Variants in MYO18A observed in about 807,000 individuals in gnomAD.
MYO18A encodes myosin XVIIIA.
A neutral mutation model predicts 235.8 loss-of-function variants in MYO18A; 78 were observed. The observed-to-expected ratio is 0.33, with a 90% CI of 0.28 to 0.40. MYO18A has a LOEUF of 0.40. MYO18A is among the 10% of genes least tolerant of loss of function. MYO18A has a pLI of 1.00. For missense variants in MYO18A, 2,215 were observed against 2,699.3 expected (o/e 0.82, Z 3.98); for synonymous variants, 977 against 1,077.8 (o/e 0.91, Z 1.83).
At chr17:29,154,126 G>A (rs1322841969) in intron 2 of MYO18A, among the ~76,000 whole-genome samples, 6 of 150,682 alleles carry the variant, frequency 4.0e-5, no homozygotes, top group African/African-American at 5.0e-5. Flanking sequence ...GTGTGTGCGC[G>A]CGCGTGCGTG....
At chr17:29,168,024 A>G (rs888237166) in intron 1 of MYO18A, among the ~76,000 whole-genome samples, 2 of 152,218 alleles carry the variant, frequency 1.3e-5, no homozygotes, top group African/African-American at 4.8e-5. Context: ...CAGAAAATTA[A>G]GTATATGTTA....
chr17:29,157,010 C>A (rs191288634), intron 2 of MYO18A, among the ~76,000 whole-genome samples: 1 of 152,214 alleles, frequency 6.6e-6, no homozygotes, highest in Non-Finnish European at 1.5e-5. Context: ...CTGAGCAACA[C>A]GGCGAGCCCA....
Position 29,098,134 on chromosome 17 carries a change from G to A in MYO18A, c.3961C>T (p.Arg1321Trp), listed in dbSNP as rs1352157423. 1.1e-5 allele frequency: 17 copies of A among 1,613,584 alleles called. No individual in the cohort carries two copies. Among genetic ancestry groups the A allele is most frequent in the Non-Finnish European group, 1.3e-5 (15 of 1,179,878 alleles). Residue 1321 changes from arginine (R) to tryptophan (W), a missense_variant, in exon 25 of 42, where the codon CGG (arginine) becomes TGG (tryptophan). By Grantham distance (101) the Arg-to-Trp change is moderately radical. Coordinates refer to ENST00000527372, the MANE Select transcript of MYO18A (RefSeq NM_078471.4). ...LLDAETAERLRAEKEMKELQT... is the reference protein window; with the variant it reads ...LLDAETAERLWAEKEMKELQT... The stretch of plus-strand genomic sequence containing the variant: ...AGTTCCTTCATCTCCTTCTCAGCCC[G>A]GAGCCTCTCTGCTGTCTCCGCGTCC...
chr17:29,085,931 C>G (rs1310586455), intron 39 of MYO18A, among the ~76,000 whole-genome samples: 1 of 152,356 alleles, frequency 6.6e-6, no homozygotes, highest in South Asian at 2.1e-4. Flanking sequence ...GGGGGCAGAT[C>G]TAGGGTCCAC....
In MYO18A at chr17:29,094,102, T is replaced by C. The variant is rs773920874; in HGVS notation, c.4711-12A>G. On this transcript the variant is annotated splice_polypyrimidine_tract_variant and intron_variant, in intron 30 of 41. Coordinates refer to ENST00000527372, the MANE Select transcript of MYO18A (RefSeq NM_078471.4). ...AGACGCAGCTTGGCCTGGAGGTGGT[T>C]GGAGTAGGGTCTGGGTTCCCTCCCC... is the stretch of plus-strand genomic sequence containing the variant. The C allele has an allele frequency of 3.1e-6, 5 of 1,588,750 alleles. No individual in the cohort carries two copies. Among genetic ancestry groups the C allele is most frequent in the African/African-American group, 2.7e-5 (2 of 74,284 alleles).
In MYO18A at chr17:29,136,283, T is replaced by C. The variant is rs577430072; in HGVS notation, c.1000-14030A>G. ...TATATATATATATATATGTAATGTA[T>C]CCCATAAGTACATAAACCTACCATG... is the stretch of plus-strand genomic sequence containing the variant. On this transcript the variant is annotated intron_variant, in intron 2 of 41. Coordinates refer to ENST00000527372, the MANE Select transcript of MYO18A (RefSeq NM_078471.4). Among the ~76,000 whole-genome samples, 5 of 134,742 alleles carry C rather than the reference T, an allele frequency of 3.7e-5. No individual in the cohort carries two copies. The East Asian group carries it at 1.0e-3, about 28-fold the overall frequency. 88.4% of individuals were successfully genotyped at this position (134,742 alleles called of 152,430 possible).
rs748477876 is a variant in MYO18A, at chr17:29,097,369, C to T, written c.4103-19G>A. ...TCGCCACCTGTGGGGTTGAGGCAGA[C>T]AAGGGAGGATGGAGGTGCTGAGAGT... On this transcript the variant is annotated intron_variant, in intron 26 of 41. Transcript: ENST00000527372. The T allele has an allele frequency of 6.2e-7, 1 of 1,605,422 alleles. No individual in the cohort carries two copies. The highest frequency in any genetic ancestry group is 8.5e-7 in the Non-Finnish European group (1 of 1,179,574).
chr17:29,161,197 A>G (rs1447153061), intron 2 of MYO18A, among the ~76,000 whole-genome samples: 1 of 152,134 alleles, frequency 6.6e-6, no homozygotes, highest in East Asian at 1.9e-4. Context: ...TGTACTAAAA[A>G]TATAAAAATT....
At chr17:29,119,545 G>C in intron 7 of MYO18A, 110 bp from the exon 8 acceptor site, 1 of 613,490 alleles carries the variant, frequency 1.6e-6, no homozygotes, top group Non-Finnish European at 2.7e-6. Flanking sequence ...TGGGGAACAA[G>C]CAGCTGCATT....
intron 41 of MYO18A, chr17:29,076,355 A>AAGGACCAAACCTGAATTC (rs2065978118): frequency 6.6e-6 from 1 of 151,434 alleles, no homozygotes; most frequent in African/African-American, 2.4e-5. Flanking sequence ...AAAAAAAAAA[A>AAGGACCAAACCTGAATTC]AGGACCAAAC....
Position 29,074,965 on chromosome 17 carries a change from A to G in MYO18A, c.6021-51T>C. 4.4e-6 allele frequency: 7 copies of G among 1,604,946 alleles called. No homozygotes were observed. The highest frequency in any genetic ancestry group is 6.0e-6 in the Non-Finnish European group (7 of 1,173,012). On this transcript the variant is annotated intron_variant, in intron 41 of 41. Transcript: ENST00000527372. This position sits in a 1 kb window ranked among gnomAD's most constrained non-coding sequence, Gnocchi z 4.4. The stretch of plus-strand genomic sequence containing the variant: ...GGGACAAATGACACTCCTACCATTA[A>G]GCACGCACGCCTTTGGTTCTGGAGG...
intron 2 of MYO18A, among the ~76,000 whole-genome samples, chr17:29,143,100 G>T (rs2067776543): frequency 6.6e-6 from 1 of 151,234 alleles, no homozygotes; most frequent in Non-Finnish European, 1.5e-5. Context: ...GAGTCACCAT[G>T]CCCAGCCTCT....
At chr17:29,097,460 T>C in intron 26 of MYO18A, 110 bp from the exon 27 acceptor site, 2 of 1,418,610 alleles carry the variant, frequency 1.4e-6, no homozygotes, top group Non-Finnish European at 1.9e-6. Flanking sequence ...CAGCCAGGGC[T>C]CAGAAAGCTC....
rs961392184 is a variant in MYO18A, at chr17:29,080,443, T to A, written c.6020+1873A>T. 1.3e-5 allele frequency: 13 copies of A among 985,890 alleles called. No homozygotes were observed. The African/African-American group carries it at 2.3e-4, about 17-fold the overall frequency. The allele number at this position is 985,890 out of a possible 1,614,324, so 61.1% of individuals were successfully genotyped here. On this transcript the variant is annotated intron_variant, in intron 41 of 41. Transcript: ENST00000527372. ...CTCGCTCAGGGCCATACTGGCTCCA[T>A]CATCCCACTCCTCTAGGCAGCTCCG...
chr17:29,137,936 GC>G (rs1242696583), intron 2 of MYO18A, among the ~76,000 whole-genome samples: 1 of 151,756 alleles, frequency 6.6e-6, no homozygotes, highest in Non-Finnish European at 1.5e-5. Context: ...CAAAAAAAAA[GC>G]AAAGGAGATA....
intron 2 of MYO18A, among the ~76,000 whole-genome samples, chr17:29,145,301 G>A (rs1469952073): frequency 6.6e-6 from 1 of 152,152 alleles, no homozygotes. Flanking sequence ...GAATAGAGTG[G>A]GGAACAAGGG....
rs1189792199 is a variant in MYO18A at position 29,140,869 on chromosome 17, AATC to A, written c.1000-18619_1000-18617del. On this transcript the variant is annotated intron_variant, in intron 2 of 41. Transcript: ENST00000527372. The surrounding 1 kb of genome is among the most constrained non-coding windows in gnomAD (Gnocchi z 4.2). The stretch of plus-strand genomic sequence containing the variant: ...AACACAGTGTTCTTGAGAACACCCA[AATC>A]ATAGGCCTACCCTAGCCATCTAATT... Among the ~76,000 whole-genome samples the A allele has an allele frequency of 6.6e-6, 1 of 152,172 alleles. No homozygotes were observed. Among genetic ancestry groups the A allele is most frequent in the Non-Finnish European group, 1.5e-5 (1 of 68,022 alleles).
In MYO18A at chr17:29,166,040, C is replaced by G. The variant is rs1484319433; in HGVS notation, c.901G>C (p.Asp301His). Residue 301 changes from aspartate (D) to histidine (H), a missense_variant, in exon 2 of 42, where the codon GAC becomes CAC. By Grantham distance (81) the Asp-to-His change is moderately conservative. Coordinates refer to ENST00000527372, the MANE Select transcript of MYO18A (RefSeq NM_078471.4). ...GGCTGCACCTTGAGCCGCACGCTGT[C>G]CCCTGACTGCCGGATCATCTCCACA... ...EIVEMIRQSG[D>H]SVRLKVQPIP... 6.2e-7 allele frequency: 1 copy of G among 1,613,774 alleles called. No individual in the cohort carries two copies. The highest frequency in any genetic ancestry group is 8.5e-7 in the Non-Finnish European group (1 of 1,179,896).
rs535948349 is a variant in MYO18A at position 29,116,333 on chromosome 17, A to T, written c.2050+111T>A. The T allele has an allele frequency of 3.1e-5, 40 of 1,279,690 alleles. No homozygotes were observed. The African/African-American group carries it at 5.0e-4, about 16-fold the overall frequency. The allele number at this position is 1,279,690 out of a possible 1,614,324, so 79.3% of individuals were successfully genotyped here. On this transcript the variant is annotated intron_variant, in intron 11 of 41. Transcript: ENST00000527372. ...ACCCACTGATGGCCCAACAGTGGGG[A>T]GGCAAAAAAGCCACAGGGGAAAGGG...
Sources: allele counts gnomAD v4.1 joint callset (sites outside exome capture counted in the v4.1 genomes callset), GRCh38; gene constraint gnomAD v4.1.1; non-coding constraint Gnocchi (gnomAD v3.1); transcripts MANE v1.5; gene names NCBI Gene and HGNC (gene_info 2026-07-23, HGNC 2026-07-21).